PDS5A: variants seen among roughly 807,000 people sequenced by gnomAD.
The protein encoded by PDS5A is PDS5 cohesin associated factor A.
PDS5A carries 42 observed loss-of-function variants against 167.1 expected under a neutral mutation model. The observed-to-expected ratio is 0.25, with a 90% confidence interval of 0.20 to 0.33. The LOEUF is 0.33. Ranked by LOEUF, PDS5A falls within the 10% of genes least tolerant of loss-of-function variation. The probability of loss-of-function intolerance (pLI) is 1.00; values close to 1 mark genes in which losing one functional copy is unlikely to be tolerated. For synonymous variants in PDS5A, 553 were observed against 554.6 expected, an observed-to-expected ratio of 1.00 and a Z score of 0.04; for missense variants, 1,033 against 1,605.9, an observed-to-expected ratio of 0.64 and a Z score of 6.10.
intron 14 of PDS5A, 86 bp from the exon 15 acceptor site, chr4:39,898,911 A>C (rs1722644176): frequency 1.2e-6 from 1 of 810,532 alleles, no homozygotes; most frequent in African/African-American, 1.7e-5. Flanking sequence ...ATTACTGTAC[A>C]TTTTTCATGA....
chr4:39,893,947 G>C (rs1722182167), intron 16 of PDS5A, among the ~76,000 whole-genome samples: 1 of 152,168 alleles, frequency 6.6e-6, no homozygotes, highest in South Asian at 2.1e-4. Context: ...ACAGTGTTGG[G>C]ATTACAACAG....
chr4:39,957,646 C>A (rs549801802), intron 2 of PDS5A, among the ~76,000 whole-genome samples: 41 of 151,848 alleles, frequency 2.7e-4, no homozygotes, highest in African/African-American at 9.9e-4. Context: ...ATTAGCCGGG[C>A]GTGGTGGCGG....
intron 18 of PDS5A, 32 bp from the exon 19 acceptor site, chr4:39,877,185 G>A (rs770721043): frequency 1.4e-6 from 2 of 1,397,068 alleles, no homozygotes; most frequent in Non-Finnish European, 1.9e-6. Flanking sequence ...TAGAAGTACA[G>A]ACAATGGTTT....
chr4:39,881,483 A>C (rs983847580), intron 17 of PDS5A, among the ~76,000 whole-genome samples: 8 of 152,082 alleles, frequency 5.3e-5, no homozygotes, highest in African/African-American at 1.9e-4. Flanking sequence ...TTTAAAATTC[A>C]TTATCTTCAG....
chr4:39,921,221 T>C (rs1289519224), intron 6 of PDS5A, among the ~76,000 whole-genome samples: 1 of 152,168 alleles, frequency 6.6e-6, no homozygotes, highest in East Asian at 1.9e-4. Context: ...TCTGCTGTTG[T>C]AGCATGAAAG....
intron 13 of PDS5A, 33 bp downstream of exon 13, chr4:39,902,314 G>T: frequency 1.0e-6 from 1 of 968,974 alleles, no homozygotes; most frequent in Non-Finnish European, 1.6e-6. Flanking sequence ...GAAATCCTTA[G>T]AAAATACAGC....
chr4:39,957,786 C>CAAAAA (rs34253629), intron 2 of PDS5A, among the ~76,000 whole-genome samples: 12 of 87,740 alleles, frequency 1.4e-4, no homozygotes, highest in Non-Finnish European at 1.4e-4. Context: ...GACTCCATCT[C>CAAAAA]AAAAAAAAAA....
intron 22 of PDS5A, 78 bp downstream of exon 22, chr4:39,869,316 T>A: frequency 2.2e-6 from 2 of 895,592 alleles, no homozygotes; most frequent in African/African-American, 1.7e-5. Context: ...GTTTATTAAA[T>A]TTTTTAAAGG....
intron 27 of PDS5A, 23 bp from the exon 28 acceptor site, chr4:39,848,993 T>C (rs781371899): frequency 1.3e-6 from 2 of 1,509,304 alleles, no homozygotes; most frequent in Admixed American, 4.1e-5. Flanking sequence ...ACGAATCATA[T>C]ATAACTTTTA....
chr4:39,952,104 C>T (rs1453771106), intron 2 of PDS5A, among the ~76,000 whole-genome samples: 2 of 151,792 alleles, frequency 1.3e-5, no homozygotes, highest in South Asian at 2.1e-4. Context: ...CAGAGGTGGG[C>T]GGATTACCTG....
At chr4:39,851,498 G>A (rs1296686415) in intron 26 of PDS5A, among the ~76,000 whole-genome samples, 1 of 152,052 alleles carries the variant, frequency 6.6e-6, no homozygotes, top group Non-Finnish European at 1.5e-5. Flanking sequence ...CCAGGTTGCC[G>A]ACTGGTCTTG....
intron 9 of PDS5A, among the ~76,000 whole-genome samples, chr4:39,913,075 A>T (rs1724031043): frequency 7.1e-6 from 1 of 141,532 alleles, no homozygotes; most frequent in African/African-American, 2.5e-5. Context: ...CTGTTTATTT[A>T]TTCTAATGAC....
intron 32 of PDS5A, among the ~76,000 whole-genome samples, chr4:39,832,960 A>T (rs1016156712): frequency 6.6e-6 from 1 of 151,916 alleles, no homozygotes; most frequent in African/African-American, 2.4e-5. Flanking sequence ...GTTCAAGACC[A>T]GTCTGGCCAA....
intron 32 of PDS5A, among the ~76,000 whole-genome samples, chr4:39,831,234 G>A (rs1266231222): frequency 6.6e-6 from 1 of 152,200 alleles, no homozygotes; most frequent in African/African-American, 2.4e-5. Flanking sequence ...GAGTAGCTGG[G>A]ACTAGAGGCG....
At chr4:39,882,166 A>C (rs1720989548) in intron 17 of PDS5A, among the ~76,000 whole-genome samples, 2 of 152,182 alleles carry the variant, frequency 1.3e-5, no homozygotes, top group Admixed American at 1.3e-4. Context: ...TAAAATAAAA[A>C]TGTAAAAATC....
intron 2 of PDS5A, among the ~76,000 whole-genome samples, chr4:39,932,216 A>G (rs1211285750): frequency 6.6e-6 from 1 of 152,154 alleles, no homozygotes; most frequent in African/African-American, 2.4e-5. Context: ...TTGGCCAAAC[A>G]GACATTAGCA....
At chr4:39,949,321 AG>A (rs1238893984) in intron 2 of PDS5A, among the ~76,000 whole-genome samples, 2 of 151,180 alleles carry the variant, frequency 1.3e-5, no homozygotes, top group Non-Finnish European at 3.0e-5. Context: ...AAAAAAAAAA[AG>A]AACTGATGGT....
In PDS5A at chr4:39,866,925, T is replaced by C. The variant is rs1233771710; in HGVS notation, c.2578A>G (p.Thr860Ala). 2 of 1,613,066 alleles carry C rather than the reference T, an allele frequency of 1.2e-6. No individual in the cohort carries two copies. Among genetic ancestry groups the C allele is most frequent in the Non-Finnish European group, 1.7e-6 (2 of 1,179,354 alleles). Residue 860 changes from threonine (T) to alanine (A), a missense_variant, in exon 23 of 33, where the codon ACC becomes GCC. This residue lies in a region of PDS5A where 367 missense variants were observed against 686.7 expected (regional missense o/e 0.53). Coordinates refer to ENST00000303538, the MANE Select transcript of PDS5A (RefSeq NM_001100399.2). Reference protein sequence around the residue: ...KNNQSKSANSTLRLLSAMLVS... With the variant: ...KNNQSKSANSALRLLSAMLVS... ...AACATCGCTGATAATAACCGAAGGG[T>C]TGAATTGGCAGATTTAGACTGGTTG...
At chr4:39,854,481 C>T (rs1560429026) in intron 26 of PDS5A, among the ~76,000 whole-genome samples, 1 of 152,108 alleles carries the variant, frequency 6.6e-6, no homozygotes, top group Admixed American at 6.5e-5. Flanking sequence ...ATTCTTCCTC[C>T]AGGTCGTTTT....
Sources: gnomAD v4.1 joint callset for allele counts (sites outside exome capture counted in the v4.1 genomes callset) on GRCh38, gnomAD v4.1.1 for gene constraint, gnomAD v4.1.1 regional missense constraint, MANE v1.5 for transcripts, NCBI Gene and HGNC (gene_info 2026-07-23, HGNC 2026-07-21) for gene names.